Variants in CHD2 observed in about 807,000 individuals in gnomAD.
CHD2 encodes the protein ATP-dependent chromatin remodeler CHD2.
In CHD2, 28 loss-of-function variants were observed where a neutral mutation model predicts 243.9. The observed-to-expected ratio is 0.11, with a 90% CI of 0.09 to 0.16. CHD2 has a LOEUF of 0.16. CHD2 is among the 10% of genes least tolerant of loss of function. CHD2 has a pLI of 1.00. For synonymous variants in CHD2, 775 were observed against 779.0 expected, an observed-to-expected ratio of 0.99 and a Z score of 0.09; for missense variants, 1,386 against 2,209.8, an observed-to-expected ratio of 0.63 and a Z score of 7.47.
chr15:92,908,139 C>T (rs761856337), intron 2 of CHD2, among the ~76,000 whole-genome samples: 11 of 151,402 alleles, frequency 7.3e-5, no homozygotes, highest in African/African-American at 2.7e-4. Context: ...AACTACCCAC[C>T]CCCACTCCCC....
At chr15:92,992,158 G>C (rs757139760) in intron 27 of CHD2, among the ~76,000 whole-genome samples, 2 of 152,200 alleles carry the variant, frequency 1.3e-5, no homozygotes, top group Non-Finnish European at 2.9e-5. Context: ...TAAACTTCTT[G>C]AGTGGGTGAA....
At chr15:92,944,303 G>C (rs2053428644) in intron 9 of CHD2, 112 bp from the exon 10 acceptor site, 1 of 548,350 alleles carries the variant, frequency 1.8e-6, no homozygotes, top group Non-Finnish European at 3.4e-6. Context: ...TACTTAAGGG[G>C]CAGATGGGAG....
At position 92,978,317 on chromosome 15, in the gene CHD2, T is replaced by G. The variant is rs1466270732; in HGVS notation, c.2661T>G (p.Ser887=). 1 of 1,614,048 alleles carries G rather than the reference T, an allele frequency of 6.2e-7. No individual in the cohort carries two copies. Residue 887 remains serine (S), a synonymous_variant, in exon 21 of 39, where the codon TCT becomes TCG. Coordinates refer to ENST00000394196, the MANE Select transcript of CHD2 (RefSeq NM_001271.4). ...CGGACACAGTCGTCATCTTTGACTC[T>G]GACTGGAACCCCCAGAATGACTTGC... The part of the protein sequence containing the change: ...ASADTVVIFD[S]DWNPQNDLQA...
In CHD2 at chr15:92,955,418, T is replaced by C; in HGVS notation, c.1720-5T>C. 1 of 1,547,178 alleles carries C rather than the reference T, an allele frequency of 6.5e-7. No individual in the cohort carries two copies. The highest frequency in any genetic ancestry group is 8.7e-7 in the Non-Finnish European group (1 of 1,148,552). ...TTATGTCTTAATTATGTTTTTTTCT[T>C]ATAGATACGGGAATATGAATGGATT... On this transcript the variant is annotated splice_polypyrimidine_tract_variant and splice_region_variant and intron_variant, in intron 14 of 38. Transcript: ENST00000394196.
At position 92,979,128 on chromosome 15, in the gene CHD2, C is replaced by T; in HGVS notation, c.2728-7C>T. 1 of 1,613,470 alleles carries T rather than the reference C, an allele frequency of 6.2e-7. No individual in the cohort carries two copies. Among genetic ancestry groups the T allele is most frequent in the Non-Finnish European group, 8.5e-7 (1 of 1,179,702 alleles). The stretch of plus-strand genomic sequence containing the variant: ...AGGCATAAGCATAACAGTTCCTTTT[C>T]CTACAGGTAAATATTTACCGCTTAG... On this transcript the variant is annotated splice_polypyrimidine_tract_variant and splice_region_variant and intron_variant, in intron 21 of 38. Transcript: ENST00000394196.
intron 16 of CHD2, among the ~76,000 whole-genome samples, chr15:92,960,557 A>G (rs1358496727): frequency 1.3e-5 from 2 of 152,072 alleles, no homozygotes; most frequent in African/African-American, 4.8e-5. Flanking sequence ...TTAACAATAT[A>G]GTATATTACA....
intron 2 of CHD2, among the ~76,000 whole-genome samples, chr15:92,919,397 C>CT (rs879772529): frequency 1.4e-3 from 205 of 145,524 alleles, no homozygotes; most frequent in East Asian, 2.4e-3. Flanking sequence ...TTTAAAAACA[C>CT]TTTTTTTTTT....
At chr15:92,996,241 G>A in intron 28 of CHD2, among the ~76,000 whole-genome samples, 1 of 145,794 alleles carries the variant, frequency 6.9e-6, no homozygotes, top group East Asian at 2.0e-4. Flanking sequence ...CTCACTGCAA[G>A]CTCTGCCTCC....
chr15:92,922,058 A>G (rs2052965933), intron 2 of CHD2, among the ~76,000 whole-genome samples: 1 of 152,180 alleles, frequency 6.6e-6, no homozygotes, highest in South Asian at 2.1e-4. Flanking sequence ...CTGTTGAGTC[A>G]CTTGTTACAA....
intron 24 of CHD2, among the ~76,000 whole-genome samples, chr15:92,982,181 A>T (rs2053988305): frequency 6.6e-6 from 1 of 152,214 alleles, no homozygotes; most frequent in African/African-American, 2.4e-5. Flanking sequence ...ACTGGAAGGG[A>T]TACAGTCAAA....
chr15:93,000,757 G>T, intron 32 of CHD2, 117 bp downstream of exon 32: 1 of 1,121,958 alleles, frequency 8.9e-7, no homozygotes, highest in South Asian at 1.9e-5. Flanking sequence ...AATGGAAATA[G>T]AATATGTAAG....
intron 3 of CHD2, among the ~76,000 whole-genome samples, chr15:92,926,748 C>T (rs2053068886): frequency 6.6e-6 from 1 of 152,172 alleles, no homozygotes; most frequent in Non-Finnish European, 1.5e-5. Context: ...TTAGCAATGC[C>T]TCATCTGCGT....
At chr15:92,905,982 C>CA in intron 2 of CHD2, among the ~76,000 whole-genome samples, 1 of 152,236 alleles carries the variant, frequency 6.6e-6, no homozygotes, top group East Asian at 1.9e-4. Flanking sequence ...AAACTGGGGT[C>CA]AAAGTAGTCA....
chr15:92,994,417 CAAT>C (rs2054161455), intron 28 of CHD2, among the ~76,000 whole-genome samples: 1 of 151,208 alleles, frequency 6.6e-6, no homozygotes, highest in Non-Finnish European at 1.5e-5. Flanking sequence ...TTTTATTATT[CAAT>C]AATAACCTTA....
intron 2 of CHD2, among the ~76,000 whole-genome samples, chr15:92,914,750 C>T (rs2052802712): frequency 6.6e-6 from 1 of 152,094 alleles, no homozygotes; most frequent in South Asian, 2.1e-4. Flanking sequence ...GTATAAAGAT[C>T]TAATTGGATT....
intron 26 of CHD2, among the ~76,000 whole-genome samples, chr15:92,987,651 A>C (rs1201191340): frequency 6.6e-6 from 1 of 151,944 alleles, no homozygotes; most frequent in Non-Finnish European, 1.5e-5. Context: ...AAAATTTTTT[A>C]AAAATATTTT....
chr15:92,906,985 C>G (rs1434493729), intron 2 of CHD2, among the ~76,000 whole-genome samples: 3 of 152,120 alleles, frequency 2.0e-5, no homozygotes, highest in South Asian at 2.1e-4. Flanking sequence ...GCCTGAGTAA[C>G]AAAACTTAGT....
chr15:92,941,732 G>T (rs1166628962), intron 7 of CHD2, 90 bp from the exon 8 acceptor site: 6 of 1,316,060 alleles, frequency 4.6e-6, no homozygotes, highest in East Asian at 2.4e-5. Context: ...AACCAAAAGG[G>T]TATGGTTTCT....
Position 92,997,891 on chromosome 15 carries a change from G to C in CHD2, c.3885+488G>C, listed in dbSNP as rs1171054024. 6.4e-6 allele frequency: 1 copy of C among 155,816 alleles called. No individual in the cohort carries two copies. The highest frequency in any genetic ancestry group is 2.4e-5 in the African/African-American group (1 of 41,468). 9.7% of individuals were successfully genotyped at this position (155,816 alleles called of 1,614,324 possible). Reference sequence around the variant, plus strand: ...GTTGCAAGTAGCAAGGCCATGGTTGGAGCTATAAGCAGGGAAGGCTGACTG... The same window carrying C: ...GTTGCAAGTAGCAAGGCCATGGTTGCAGCTATAAGCAGGGAAGGCTGACTG... On this transcript the variant is annotated intron_variant, in intron 30 of 38. Coordinates refer to ENST00000394196, the MANE Select transcript of CHD2 (RefSeq NM_001271.4). This position sits in a 1 kb window ranked among gnomAD's most constrained non-coding sequence, Gnocchi z 4.1.
Sources: gnomAD v4.1 joint callset for allele counts (sites outside exome capture counted in the v4.1 genomes callset) on GRCh38, gnomAD v4.1.1 for gene constraint, Gnocchi (gnomAD v3.1) non-coding constraint, MANE v1.5 for transcripts, NCBI Gene and HGNC (gene_info 2026-07-23, HGNC 2026-07-21) for gene names.